FAM20C: variants seen among roughly 807,000 people sequenced by gnomAD.
The protein encoded by FAM20C is FAM20C golgi associated secretory pathway kinase.
Under a neutral mutation model 51.5 loss-of-function variants are expected in FAM20C, and 40 were observed. The ratio of observed to expected loss-of-function variants is 0.78; its 90% CI spans 0.60 to 1.01. The LOEUF (loss-of-function observed/expected upper bound fraction) is 1.01, where lower values mean the gene tolerates loss of function less well. FAM20C is among the 50% of genes least tolerant of loss of function. FAM20C has a pLI of 0.00. For missense variants in FAM20C, 861 were observed against 844.7 expected (o/e 1.02, Z -0.24); for synonymous variants, 406 against 380.6 (o/e 1.07, Z -0.78).
chr7:230,841 G>A (rs1331021504), intron 3 of FAM20C, among the ~76,000 whole-genome samples: 1 of 150,880 alleles, frequency 6.6e-6, no homozygotes, highest in African/African-American at 2.4e-5. Flanking sequence ...GAAGAGTCCT[G>A]TGTGTTTACT....
chr7:235,530 G>C (rs1335280825), intron 3 of FAM20C, among the ~76,000 whole-genome samples: 1 of 152,274 alleles, frequency 6.6e-6, no homozygotes, highest in Non-Finnish European at 1.5e-5. Context: ...TTCCTTCTTC[G>C]AATGTGATGT....
chr7:209,132 A>C (rs953227691), intron 3 of FAM20C, among the ~76,000 whole-genome samples, 156 bp downstream of exon 3: 1 of 152,124 alleles, frequency 6.6e-6, no homozygotes, highest in African/African-American at 2.4e-5. Flanking sequence ...GCAAACGAGC[A>C]ACAGAGGTGG....
intron 3 of FAM20C, among the ~76,000 whole-genome samples, chr7:217,771 G>C (rs926863051): frequency 6.6e-6 from 1 of 152,122 alleles, no homozygotes; most frequent in Non-Finnish European, 1.5e-5. Context: ...GGGCCCGCGC[G>C]TCACTGCAAA....
At position 193,428 on chromosome 7, in the gene FAM20C, GC is replaced by G; in HGVS notation, c.231del (p.Gly78AlafsTer52). 1 of 1,418,846 alleles carries G rather than the reference GC, an allele frequency of 7.0e-7. No individual in the cohort carries two copies. Among genetic ancestry groups the G allele is most frequent in the Non-Finnish European group, 9.3e-7 (1 of 1,075,188 alleles). The allele number at this position is 1,418,846 out of a possible 1,614,324, so 87.9% of individuals were successfully genotyped here. On this transcript the variant is annotated frameshift_variant, in exon 1 of 10. Coordinates refer to ENST00000313766, the MANE Select transcript of FAM20C (RefSeq NM_020223.4). LOFTEE classifies it high-confidence loss of function. Reference protein sequence around the residue: ...PGEPPAASSAAGDAGWPNKHT... With the variant: ...PGEPPAASSAXGDAGWPNKHT... ...GGAGCCCCCGGCCGCCTCCTCCGCC[GC>G]CGGCGACGCGGGCTGGCCCAACAAG...
At chr7:226,507 C>T (rs1787452860) in intron 3 of FAM20C, among the ~76,000 whole-genome samples, 1 of 152,226 alleles carries the variant, frequency 6.6e-6, no homozygotes, top group African/African-American at 2.4e-5. Context: ...CCCGCAGCCA[C>T]ACGGCCGCCC....
At chr7:199,718 G>C (rs1298477507) in intron 2 of FAM20C, among the ~76,000 whole-genome samples, 1 of 152,172 alleles carries the variant, frequency 6.6e-6, no homozygotes, top group African/African-American at 2.4e-5. Flanking sequence ...TGGCTGCCTG[G>C]TAACCGGCCA....
At chr7:209,443 A>T (rs1209056849) in intron 3 of FAM20C, among the ~76,000 whole-genome samples, 2 of 152,234 alleles carry the variant, frequency 1.3e-5, no homozygotes, top group Non-Finnish European at 2.9e-5. Flanking sequence ...AGCCAGACGC[A>T]GTACGTGGTG....
At chr7:205,342 G>A (rs960918585) in intron 2 of FAM20C, among the ~76,000 whole-genome samples, 1 of 150,690 alleles carries the variant, frequency 6.6e-6, no homozygotes, top group Non-Finnish European at 1.5e-5. Context: ...CCACGGACAC[G>A]CACCGCCACG....
chr7:224,102 CCT>C (rs1186637515), intron 3 of FAM20C, among the ~76,000 whole-genome samples: 2 of 146,938 alleles, frequency 1.4e-5, no homozygotes, highest in Non-Finnish European at 3.0e-5. Flanking sequence ...GTCCCCTGAG[CCT>C]TCTCTCACAG....
intron 3 of FAM20C, among the ~76,000 whole-genome samples, chr7:216,610 TGTGTGTGTATGA>T (rs775153568): frequency 0.06 from 8,643 of 143,296 alleles, 431 homozygotes; most frequent in East Asian, 0.21. Context: ...AGTTTCTGTG[TGTGTGTGTATGA>T]GTGTGTGTGA....
rs1168278985 is a variant in FAM20C at position 193,380 on chromosome 7, G to A, written c.181G>A (p.Ala61Thr). 4.2e-5 allele frequency: 56 copies of A among 1,336,440 alleles called. No homozygotes were observed. The highest frequency in any genetic ancestry group is 4.8e-5 in the Non-Finnish European group (50 of 1,036,496). The allele number at this position is 1,336,440 out of a possible 1,614,324, so 82.8% of individuals were successfully genotyped here. Residue 61 changes from alanine to threonine, a missense_variant, in exon 1 of 10, where the codon GCC (alanine) becomes ACC (threonine). Ala to Thr is a moderately conservative substitution (Grantham distance 58, BLOSUM62 0). Around this residue, in one of 3 missense-constraint regions of FAM20C, gnomAD observed 561 missense variants for 499.8 expected, o/e 1.12. Coordinates refer to ENST00000313766, the MANE Select transcript of FAM20C (RefSeq NM_020223.4). The part of the protein sequence containing the change: ...PAAEVAAPGW[A>T]QVRGRPGEPP... Reference sequence around the variant, plus strand: ...CGCCGAGGTGGCCGCGCCCGGCTGGGCCCAGGTTCGGGGCCGCCCCGGGGA... The same window carrying A: ...CGCCGAGGTGGCCGCGCCCGGCTGGACCCAGGTTCGGGGCCGCCCCGGGGA...
intron 1 of FAM20C, 81 bp from the exon 2 acceptor site, chr7:195,473 G>C: frequency 7.7e-7 from 1 of 1,293,774 alleles, no homozygotes; most frequent in African/African-American, 1.5e-5. Context: ...TAAAAACACT[G>C]GCGTCGGTGC....
At chr7:214,313 G>A (rs1447237533) in intron 3 of FAM20C, among the ~76,000 whole-genome samples, 1 of 151,284 alleles carries the variant, frequency 6.6e-6, no homozygotes, top group East Asian at 1.9e-4. Context: ...CAATAAGAGT[G>A]AAACTCGGTC....
intron 5 of FAM20C, among the ~76,000 whole-genome samples, 179 bp from the exon 6 acceptor site, chr7:255,670 G>A (rs1193261553): frequency 1.3e-5 from 2 of 151,878 alleles, no homozygotes; most frequent in Non-Finnish European, 2.9e-5. Context: ...TCAGCTCTGT[G>A]GGTTCATTTT....
intron 9 of FAM20C, 72 bp from the exon 10 acceptor site, chr7:259,659 C>G: frequency 1.5e-6 from 2 of 1,353,544 alleles, no homozygotes; most frequent in South Asian, 2.9e-5. Context: ...CTCCCTCTCA[C>G]TTTCTCTCGC....
chr7:236,399 C>G (rs1724842600), intron 3 of FAM20C, among the ~76,000 whole-genome samples: 1 of 152,242 alleles, frequency 6.6e-6, no homozygotes, highest in Admixed American at 6.5e-5. Flanking sequence ...CCACCTGGCT[C>G]TGAGAAGCCT....
intron 3 of FAM20C, among the ~76,000 whole-genome samples, chr7:236,111 C>G (rs949293975): frequency 3.9e-5 from 6 of 152,354 alleles, no homozygotes; most frequent in African/African-American, 1.4e-4. Flanking sequence ...CCCTTCCGTG[C>G]AGAGGGTTCA....
chr7:218,301 C>T (rs1787096603), intron 3 of FAM20C, among the ~76,000 whole-genome samples: 2 of 152,182 alleles, frequency 1.3e-5, no homozygotes, highest in Admixed American at 6.5e-5. Flanking sequence ...CTCAGCACTT[C>T]CTGGCAGCCG....
intron 3 of FAM20C, among the ~76,000 whole-genome samples, chr7:217,284 T>G (rs370528555): frequency 3.4e-5 from 2 of 59,600 alleles, no homozygotes; most frequent in Non-Finnish European, 7.0e-5. Context: ...GGGGGTGTTA[T>G]TGGGGTCGAG....
Sources: allele counts gnomAD v4.1 joint callset (sites outside exome capture counted in the v4.1 genomes callset), GRCh38; gene constraint gnomAD v4.1.1; regional missense constraint gnomAD v4.1.1; transcripts MANE v1.5; gene names NCBI Gene and HGNC (gene_info 2026-07-23, HGNC 2026-07-21).